The following FGGY variants were observed in gnomAD, a reference collection of about 807,000 sequenced individuals.
The protein encoded by FGGY is FGGY carbohydrate kinase domain containing.
FGGY carries 72 observed loss-of-function variants against 71.3 expected under a neutral mutation model. The ratio of observed to expected loss-of-function variants is 1.01; its 90% CI spans 0.84 to 1.23. The LOEUF (loss-of-function observed/expected upper bound fraction) is 1.23. Among genes scored for constraint, FGGY ranks in the 50% most tolerant of loss-of-function variants. The pLI is 0.00. For synonymous variants in FGGY, 251 were observed against 250.3 expected (o/e 1.00, Z -0.02); for missense variants, 668 against 682.3 (o/e 0.98, Z 0.23).
At chr1:59,298,713 C>T (rs1205641580) in intron 1 of FGGY, among the ~76,000 whole-genome samples, 3 of 152,150 alleles carry the variant, frequency 2.0e-5, no homozygotes, top group Non-Finnish European at 4.4e-5. Context: ...CCCTTAATCT[C>T]CTAGCCAGAG....
chr1:59,476,873 G>A (rs999363028), intron 6 of FGGY, among the ~76,000 whole-genome samples: 1 of 152,192 alleles, frequency 6.6e-6, no homozygotes, highest in Non-Finnish European at 1.5e-5. Flanking sequence ...GGGAGAAGAG[G>A]GCTGAAGATG....
chr1:59,490,375 T>C (rs1237137805), intron 6 of FGGY, among the ~76,000 whole-genome samples: 1 of 152,166 alleles, frequency 6.6e-6, no homozygotes, highest in Non-Finnish European at 1.5e-5. Flanking sequence ...GTTGTTTTTT[T>C]CCTGTACCAA....
At chr1:59,558,110 TA>T (rs1391054903) in intron 8 of FGGY, among the ~76,000 whole-genome samples, 1 of 152,184 alleles carries the variant, frequency 6.6e-6, no homozygotes, top group Non-Finnish European at 1.5e-5. Context: ...CTGCATCTGT[TA>T]AATGTGAGTG....
At chr1:59,662,052 G>A (rs115466206) in intron 12 of FGGY, among the ~76,000 whole-genome samples, 5,465 of 143,140 alleles carry the variant, frequency 0.038, 206 homozygotes, top group African/African-American at 0.1. Flanking sequence ...CAGGCGCGGT[G>A]ACTCAACGCC....
At chr1:59,449,252 C>T (rs915878743) in intron 5 of FGGY, among the ~76,000 whole-genome samples, 2 of 151,952 alleles carry the variant, frequency 1.3e-5, no homozygotes, top group African/African-American at 4.8e-5. Flanking sequence ...AATATAGCCA[C>T]CTCAGCTTAT....
At chr1:59,385,743 A>G (rs536375668) in intron 5 of FGGY, among the ~76,000 whole-genome samples, 9 of 152,302 alleles carry the variant, frequency 5.9e-5, no homozygotes, top group African/African-American at 1.9e-4. Flanking sequence ...TGATAAGATA[A>G]CTGAGCTGAA....
At chr1:59,755,949 A>G (rs1395277775) in intron 14 of FGGY, 1 of 152,238 alleles carries the variant, frequency 6.6e-6, no homozygotes. Context: ...GACGAAAAGG[A>G]CAAAATAAGA....
chr1:59,587,173 C>T (rs2096311883), intron 8 of FGGY, among the ~76,000 whole-genome samples: 3 of 152,204 alleles, frequency 2.0e-5, no homozygotes. Flanking sequence ...GTCCTGCACC[C>T]ACGGAGTCTC....
chr1:59,460,047 G>GA (rs2092044328), intron 6 of FGGY, among the ~76,000 whole-genome samples: 1 of 152,180 alleles, frequency 6.6e-6, no homozygotes, highest in Admixed American at 6.5e-5. Context: ...TGAAGATAAA[G>GA]GGCAGGAGAC....
chr1:59,298,561 G>GA (rs1425582684), intron 1 of FGGY, among the ~76,000 whole-genome samples: 2 of 152,170 alleles, frequency 1.3e-5, no homozygotes, highest in East Asian at 3.8e-4. Flanking sequence ...GCTTTTCCTG[G>GA]AATTTGGTTC....
chr1:59,456,857 A>G (rs1266443367), intron 5 of FGGY, 104 bp from the exon 6 acceptor site: 2 of 692,930 alleles, frequency 2.9e-6, no homozygotes, highest in East Asian at 5.4e-5. Context: ...GGCTTATTCC[A>G]CTTCTTTAAT....
intron 11 of FGGY, among the ~76,000 whole-genome samples, chr1:59,653,315 A>C (rs1283063605): frequency 6.6e-6 from 1 of 152,214 alleles, no homozygotes; most frequent in Non-Finnish European, 1.5e-5. Context: ...TGTTTACCTA[A>C]GCAAGCCTGG....
intron 9 of FGGY, among the ~76,000 whole-genome samples, chr1:59,625,374 C>T (rs112552928): frequency 6.6e-6 from 1 of 152,162 alleles, no homozygotes; most frequent in Admixed American, 6.6e-5. Context: ...AGAGCTCAGA[C>T]ATTTCTGTCC....
At chr1:59,465,801 A>T (rs759481900) in intron 6 of FGGY, among the ~76,000 whole-genome samples, 14 of 152,222 alleles carry the variant, frequency 9.2e-5, no homozygotes, top group Non-Finnish European at 1.8e-4. Flanking sequence ...CTTACAAAGG[A>T]TGTGAAGTAC....
intron 8 of FGGY, among the ~76,000 whole-genome samples, chr1:59,578,751 A>G (rs148536214): frequency 6.6e-6 from 1 of 152,196 alleles, no homozygotes; most frequent in African/African-American, 2.4e-5. Context: ...CTGCACACCC[A>G]TAATGGTACT....
chr1:59,345,276 C>T (rs1002232825), intron 3 of FGGY, among the ~76,000 whole-genome samples: 2 of 152,156 alleles, frequency 1.3e-5, no homozygotes, highest in African/African-American at 4.8e-5. Flanking sequence ...TTGGTAACTG[C>T]TGGGTTTCTT....
intron 11 of FGGY, among the ~76,000 whole-genome samples, chr1:59,645,492 C>G (rs1401256606): frequency 1.3e-5 from 2 of 152,180 alleles, no homozygotes; most frequent in Non-Finnish European, 2.9e-5. Flanking sequence ...TCACAGAAAG[C>G]AAGTTTCATA....
At chr1:59,659,728 A>G (rs754122191) in intron 11 of FGGY, among the ~76,000 whole-genome samples, 1 of 152,118 alleles carries the variant, frequency 6.6e-6, no homozygotes, top group Non-Finnish European at 1.5e-5. Flanking sequence ...CACAGATTCT[A>G]AGTTATCCCC....
intron 14 of FGGY, among the ~76,000 whole-genome samples, chr1:59,735,785 C>A (rs7532087): frequency 0.01 from 1,550 of 152,284 alleles, 24 homozygotes; most frequent in African/African-American, 0.035. Flanking sequence ...AAAAATAAAT[C>A]AAAATGACAT....
Sources: allele counts gnomAD v4.1 joint callset (sites outside exome capture counted in the v4.1 genomes callset), GRCh38; gene constraint gnomAD v4.1.1; transcripts MANE v1.5; gene names NCBI Gene and HGNC (gene_info 2026-07-23, HGNC 2026-07-21).